The following GNAL variants were observed in gnomAD, a reference collection of about 807,000 sequenced individuals.
The protein encoded by GNAL is guanine nucleotide-binding protein G(olf) subunit alpha.
GNAL carries 18 observed loss-of-function variants against 55.1 expected under a neutral mutation model. The ratio of observed to expected loss-of-function variants is 0.33; its 90% CI spans 0.23 to 0.48. GNAL has a LOEUF of 0.48. Ranked by LOEUF, GNAL falls within the 20% of genes least tolerant of loss-of-function variation. The probability of loss-of-function intolerance (pLI) is 0.99; values close to 1 mark genes in which losing one functional copy is unlikely to be tolerated. For synonymous variants in GNAL, 253 were observed against 237.0 expected (o/e 1.07, Z -0.62); for missense variants, 412 against 614.1 (o/e 0.67, Z 3.48).
At chr18:11,757,765 G>C (rs1296798393) in intron 4 of GNAL, among the ~76,000 whole-genome samples, 2 of 152,164 alleles carry the variant, frequency 1.3e-5, no homozygotes, top group Non-Finnish European at 2.9e-5. Context: ...AGCTGGATGC[G>C]TGAGGCCCCA....
At chr18:11,716,868 A>G (rs2031978909) in intron 1 of GNAL, among the ~76,000 whole-genome samples, 1 of 152,224 alleles carries the variant, frequency 6.6e-6, no homozygotes, top group Admixed American at 6.5e-5. Flanking sequence ...CAGACTCAGG[A>G]GCCCAGCTGG....
At chr18:11,708,901 T>C (rs2031774612) in intron 1 of GNAL, among the ~76,000 whole-genome samples, 1 of 152,220 alleles carries the variant, frequency 6.6e-6, no homozygotes, top group Admixed American at 6.5e-5. Context: ...GGAAACTTTT[T>C]TCCTATATTT....
intron 4 of GNAL, among the ~76,000 whole-genome samples, chr18:11,767,482 TTGC>T (rs535653756): frequency 1.9e-3 from 284 of 151,964 alleles, no homozygotes; most frequent in Non-Finnish European, 3.1e-3. Flanking sequence ...ATGCTTGCTC[TTGC>T]TGCTTGCATG....
rs541554328 is a variant in GNAL at position 11,771,378 on chromosome 18, G to A, written c.624+17433G>A. Among the ~76,000 whole-genome samples the A allele has an allele frequency of 6.6e-5, 10 of 152,144 alleles. No homozygotes were observed. In the South Asian group the frequency reaches 1.9e-3, roughly 28 times the overall value. On this transcript the variant is annotated intron_variant, in intron 4 of 11. Transcript: ENST00000334049. ...TAACTAATTGGAAGTTAATGATAAT[G>A]AAATTAATCATTATCAGTTTTATAT...
chr18:11,785,769 C>A (rs2034038622), intron 4 of GNAL, among the ~76,000 whole-genome samples: 2 of 152,122 alleles, frequency 1.3e-5, no homozygotes, highest in Non-Finnish European at 2.9e-5. Context: ...CGCCCCCTCT[C>A]CTGCGAACGT....
At chr18:11,712,559 T>G (rs1006051339) in intron 1 of GNAL, among the ~76,000 whole-genome samples, 5 of 152,180 alleles carry the variant, frequency 3.3e-5, no homozygotes, top group African/African-American at 9.7e-5. Context: ...CTCTCAAAAA[T>G]AAAATTGTAT....
intron 4 of GNAL, among the ~76,000 whole-genome samples, chr18:11,812,851 A>AT (rs1475796241): frequency 2.0e-5 from 3 of 152,150 alleles, no homozygotes. Flanking sequence ...TCAAAAAAAA[A>AT]AATTAAGAAA....
intron 1 of GNAL, among the ~76,000 whole-genome samples, chr18:11,731,205 T>C (rs995992783): frequency 6.6e-6 from 1 of 152,242 alleles, no homozygotes; most frequent in Non-Finnish European, 1.5e-5. Flanking sequence ...TGGAGTGCAG[T>C]GCTGTGATCT....
chr18:11,780,253 C>CATTTG (rs2033891741), intron 4 of GNAL, among the ~76,000 whole-genome samples: 1 of 152,024 alleles, frequency 6.6e-6, no homozygotes, highest in African/African-American at 2.4e-5. Context: ...TTTGCATAGT[C>CATTTG]ACGTTCCTGC....
rs1270794267 is a variant in GNAL at position 11,871,352 on chromosome 18, G to C, written c.1032-916G>C. 7.3e-5 allele frequency among the ~76,000 whole-genome samples: 11 copies of C among 151,396 alleles called. No homozygotes were observed. In the South Asian group the frequency reaches 2.3e-3, roughly 32 times the overall value. On this transcript the variant is annotated intron_variant, in intron 9 of 11. Transcript: ENST00000334049. ...CACAACCTCCACCTCCCCAGTTCAA[G>C]CGATTCTCCTGCCTCAGCCTCCCGA...
At chr18:11,693,411 C>T (rs1049442197) in intron 1 of GNAL, among the ~76,000 whole-genome samples, 1 of 152,008 alleles carries the variant, frequency 6.6e-6, no homozygotes, top group Non-Finnish European at 1.5e-5. Context: ...TGTATGTATC[C>T]TCCACCCAGT....
At chr18:11,795,090 A>T (rs2034343682) in intron 4 of GNAL, among the ~76,000 whole-genome samples, 1 of 151,990 alleles carries the variant, frequency 6.6e-6, no homozygotes, top group Non-Finnish European at 1.5e-5. Flanking sequence ...TGATCTGCCC[A>T]TCTCAACCTC....
chr18:11,767,963 C>T (rs1176417473), intron 4 of GNAL, among the ~76,000 whole-genome samples: 3 of 152,134 alleles, frequency 2.0e-5, no homozygotes, highest in Non-Finnish European at 4.4e-5. Flanking sequence ...ACCCAAATAA[C>T]TATAGAAACT....
At chr18:11,804,829 A>G (rs1163427437) in intron 4 of GNAL, among the ~76,000 whole-genome samples, 3 of 136,276 alleles carry the variant, frequency 2.2e-5, no homozygotes, top group African/African-American at 6.3e-5. Flanking sequence ...GTTTGAGTGG[A>G]ACACGGAGAT....
intron 4 of GNAL, chr18:11,811,019 T>C (rs1298868860): frequency 1.3e-5 from 2 of 152,388 alleles, no homozygotes. Context: ...GGACTTAATG[T>C]GGTGCTCTCC....
At chr18:11,749,881 G>A (rs2032776063) in intron 1 of GNAL, among the ~76,000 whole-genome samples, 1 of 152,170 alleles carries the variant, frequency 6.6e-6, no homozygotes, top group African/African-American at 2.4e-5. Context: ...AGGAGGGATG[G>A]GGTAAGCCCT....
intron 5 of GNAL, among the ~76,000 whole-genome samples, chr18:11,834,287 C>T (rs111826191): frequency 2.2e-4 from 34 of 152,166 alleles, no homozygotes; most frequent in East Asian, 5.8e-4. Context: ...TAGGGAGGGG[C>T]GTGTGGGAAC....
intron 1 of GNAL, among the ~76,000 whole-genome samples, chr18:11,698,380 A>T (rs528411895): frequency 6.6e-6 from 1 of 151,558 alleles, no homozygotes; most frequent in Admixed American, 6.6e-5. Flanking sequence ...GATCCCAGCT[A>T]CTTGGGAGGC....
intron 4 of GNAL, 45 bp downstream of exon 4, chr18:11,753,990 C>A: frequency 6.9e-7 from 1 of 1,440,578 alleles, no homozygotes; most frequent in Non-Finnish European, 9.7e-7. Context: ...AAAGATGGAA[C>A]CATTTTTAAT....
Sources: gnomAD v4.1 joint callset for allele counts (sites outside exome capture counted in the v4.1 genomes callset) on GRCh38, gnomAD v4.1.1 for gene constraint, MANE v1.5 for transcripts, NCBI Gene and HGNC (gene_info 2026-07-23, HGNC 2026-07-21) for gene names.